SENP6: variants seen among roughly 807,000 people sequenced by gnomAD.
SENP6 encodes the protein sentrin-specific protease 6.
Under a neutral mutation model 134.5 loss-of-function variants are expected in SENP6, and 41 were observed. The ratio of observed to expected loss-of-function variants is 0.30; its 90% confidence interval spans 0.24 to 0.40. SENP6 has a LOEUF of 0.40. Ranked by LOEUF, SENP6 falls within the 10% of genes least tolerant of loss-of-function variation. SENP6 has a pLI of 1.00. For missense variants in SENP6, 1,248 were observed against 1,312.5 expected, an observed-to-expected ratio of 0.95 and a Z score of 0.76; for synonymous variants, 395 against 429.8, an observed-to-expected ratio of 0.92 and a Z score of 1.00.
chr6:75,667,880 CT>C (rs1259287868), intron 10 of SENP6, among the ~76,000 whole-genome samples: 1 of 152,096 alleles, frequency 6.6e-6, no homozygotes, highest in African/African-American at 2.4e-5. Context: ...ATATCAGTGA[CT>C]TTTAGGAGTT....
intron 10 of SENP6, 67 bp from the exon 11 acceptor site, chr6:75,670,486 T>C (rs1412016243): frequency 7.7e-6 from 9 of 1,165,214 alleles, no homozygotes; most frequent in Non-Finnish European, 9.8e-6. Context: ...TCTTTGCATA[T>C]GTTTATACTT....
chr6:75,704,880 G>A (rs894442059), intron 19 of SENP6, among the ~76,000 whole-genome samples: 6 of 152,118 alleles, frequency 3.9e-5, no homozygotes, highest in Non-Finnish European at 7.3e-5. Flanking sequence ...AGCACATCCT[G>A]CACAGCCCTA....
intron 11 of SENP6, among the ~76,000 whole-genome samples, chr6:75,672,775 T>G (rs925035109): frequency 2.0e-5 from 3 of 152,172 alleles, no homozygotes; most frequent in Non-Finnish European, 4.4e-5. Flanking sequence ...ATTAGATAAT[T>G]TAATCATTTT....
intron 18 of SENP6, among the ~76,000 whole-genome samples, chr6:75,699,852 A>G (rs1277726100): frequency 2.6e-5 from 4 of 152,110 alleles, no homozygotes; most frequent in Non-Finnish European, 4.4e-5. Context: ...TTCCAGAAAC[A>G]CAAATTTGAT....
At chr6:75,703,165 C>A in intron 19 of SENP6, 93 bp downstream of exon 19, 3 of 1,110,576 alleles carry the variant, frequency 2.7e-6, no homozygotes, top group Non-Finnish European at 3.9e-6. Flanking sequence ...AAAAAAAAAT[C>A]AGGTTAATGA....
At chr6:75,621,223 A>G (rs1404909677) in intron 1 of SENP6, among the ~76,000 whole-genome samples, 1 of 152,232 alleles carries the variant, frequency 6.6e-6, no homozygotes, top group Non-Finnish European at 1.5e-5. Flanking sequence ...TCAGTGATCA[A>G]AGATGAGATT....
At chr6:75,618,321 T>G (rs1464980576) in intron 1 of SENP6, among the ~76,000 whole-genome samples, 1 of 152,192 alleles carries the variant, frequency 6.6e-6, no homozygotes, top group African/African-American at 2.4e-5. Context: ...TATTTAGGAG[T>G]TATAACCCAA....
intron 9 of SENP6, among the ~76,000 whole-genome samples, chr6:75,666,043 A>G (rs1009054412): frequency 2.1e-5 from 3 of 145,368 alleles, no homozygotes; most frequent in Non-Finnish European, 3.0e-5. Context: ...TATATATTTT[A>G]TATATATATG....
rs1476551616 is a variant in SENP6 at position 75,675,700 on chromosome 6, A to G, written c.1427-160A>G. The G allele has an allele frequency of 3.6e-6, 3 of 835,492 alleles. No individual in the cohort carries two copies. The East Asian group carries it at 8.1e-5, about 23-fold the overall frequency. The allele number at this position is 835,492 out of a possible 1,614,324, so 51.8% of individuals were successfully genotyped here. On this transcript the variant is annotated intron_variant, in intron 12 of 23. Coordinates refer to ENST00000447266, the MANE Select transcript of SENP6 (RefSeq NM_015571.4). ...AAAAATAAAAAAGTTTCTTTAAGGC[A>G]GTTATAAAGATTTTTTTTATTACCC...
rs1391102991 is a variant in SENP6 at position 75,695,811 on chromosome 6, G to C, written c.2083G>C (p.Val695Leu). 6.3e-7 allele frequency: 1 copy of C among 1,584,922 alleles called. No individual in the cohort carries two copies. ...VIIDFYLKYL[V>L]LEKLKKEDAD... ...TTATTTTCTATCAAATAGATACTTG[G>C]TGCTTGAAAAACTGAAGAAGGAAGA... The change falls in exon 17 of 24, where the codon GTG (valine) becomes CTG (leucine). Residue 695 changes from valine to leucine, a missense_variant. By Grantham distance (32) the Val-to-Leu change is conservative. Around this residue, in one of 3 missense-constraint regions of SENP6, gnomAD observed 129 missense variants for 192.0 expected, o/e 0.67. Coordinates refer to ENST00000447266, the MANE Select transcript of SENP6 (RefSeq NM_015571.4).
chr6:75,618,283 A>T (rs1413176510), intron 1 of SENP6, among the ~76,000 whole-genome samples: 1 of 151,414 alleles, frequency 6.6e-6, no homozygotes, highest in East Asian at 1.9e-4. Flanking sequence ...ATCTGTTTTT[A>T]TCAGTATGGA....
intron 20 of SENP6, among the ~76,000 whole-genome samples, chr6:75,710,615 C>A (rs948186933): frequency 4.6e-5 from 7 of 152,198 alleles, no homozygotes; most frequent in South Asian, 2.1e-4. Flanking sequence ...GAATTACATT[C>A]ATGATTTATA....
At chr6:75,685,397 G>A (rs964628753) in intron 16 of SENP6, among the ~76,000 whole-genome samples, 2 of 151,812 alleles carry the variant, frequency 1.3e-5, no homozygotes, top group Non-Finnish European at 2.9e-5. Flanking sequence ...GTTCTGCTTT[G>A]ATCTTAGTTA....
At chr6:75,637,909 G>A (rs1769650416) in intron 5 of SENP6, among the ~76,000 whole-genome samples, 2 of 152,054 alleles carry the variant, frequency 1.3e-5, no homozygotes, top group African/African-American at 4.8e-5. Flanking sequence ...TGCCCATGCT[G>A]GAGTGCAGTG....
At chr6:75,655,944 C>T (rs1771291086) in intron 7 of SENP6, among the ~76,000 whole-genome samples, 1 of 152,036 alleles carries the variant, frequency 6.6e-6, no homozygotes, top group South Asian at 2.1e-4. Flanking sequence ...CTAGGCTGGG[C>T]GTGGTGGTTC....
At chr6:75,712,032 A>G (rs566923157) in intron 21 of SENP6, among the ~76,000 whole-genome samples, 1 of 152,178 alleles carries the variant, frequency 6.6e-6, no homozygotes, top group Non-Finnish European at 1.5e-5. Context: ...AGCAGAAATC[A>G]CTATATATCA....
chr6:75,633,789 T>C (rs949538537), intron 4 of SENP6, 63 bp downstream of exon 4: 18 of 1,465,674 alleles, frequency 1.2e-5, no homozygotes, highest in East Asian at 1.2e-4. Context: ...CACCAAAAAC[T>C]TAGAAGCTAA....
intron 1 of SENP6, among the ~76,000 whole-genome samples, chr6:75,617,608 C>A (rs1288038597): frequency 6.6e-6 from 1 of 152,064 alleles, no homozygotes; most frequent in Non-Finnish European, 1.5e-5. Context: ...AACTTTTACT[C>A]CGCCTCCACT....
At position 75,602,220 on chromosome 6, in the gene SENP6, G is replaced by A; in HGVS notation, c.-305G>A. On this transcript the variant is annotated 5_prime_UTR_variant, in exon 1 of 24. The change creates a new upstream start codon in the 5' untranslated region. Coordinates refer to ENST00000447266, the MANE Select transcript of SENP6 (RefSeq NM_015571.4). ...CTGGGTGGGCGGTGGATGGGGAGTC[G>A]TGGGCCGAGAGGAACCGGGCCCGGG... 1 of 321,152 alleles carries A rather than the reference G, an allele frequency of 3.1e-6. No homozygotes were observed. Among genetic ancestry groups the A allele is most frequent in the Non-Finnish European group, 5.6e-6 (1 of 177,192 alleles). The allele number at this position is 321,152 out of a possible 1,614,324, so 19.9% of individuals were successfully genotyped here. A position where few individuals can be genotyped will look rare whatever the true frequency, so the allele number is the denominator to read the frequency against.
Sources: allele counts gnomAD v4.1 joint callset (sites outside exome capture counted in the v4.1 genomes callset), GRCh38; gene constraint gnomAD v4.1.1; regional missense constraint gnomAD v4.1.1; transcripts MANE v1.5; gene names NCBI Gene and HGNC (gene_info 2026-07-23, HGNC 2026-07-21).